Variants in NUP93 observed in about 807,000 individuals in gnomAD.
NUP93 encodes the protein nucleoporin 93.
A neutral mutation model predicts 107.8 loss-of-function variants in NUP93; 55 were observed. That is an observed-to-expected ratio of 0.51 (90% CI 0.41 to 0.64). The LOEUF (loss-of-function observed/expected upper bound fraction) is 0.64. Among genes scored for constraint, NUP93 ranks in the 30% least tolerant of loss-of-function variants. The probability of loss-of-function intolerance (pLI) is 0.00; values close to 1 mark genes in which losing one functional copy is unlikely to be tolerated. For missense variants in NUP93, 937 were observed against 1,044.7 expected (o/e 0.90, Z 1.42); for synonymous variants, 390 against 397.5 (o/e 0.98, Z 0.22).
chr16:56,802,325 G>A (rs1317061270), intron 4 of NUP93, among the ~76,000 whole-genome samples: 1 of 118,428 alleles, frequency 8.4e-6, no homozygotes, highest in Non-Finnish European at 1.6e-5. Context: ...CCACCTTTGT[G>A]TTCCATCATA....
At chr16:56,815,899 G>GGTGCTGCTGC (rs1555495759) in intron 5 of NUP93, among the ~76,000 whole-genome samples, 1,319 of 95,994 alleles carry the variant, frequency 0.014, 8 homozygotes, top group Middle Eastern at 0.04. Flanking sequence ...GCTGCTGCTG[G>GGTGCTGCTGC]TGCTGCTGCT....
intron 3 of NUP93, among the ~76,000 whole-genome samples, chr16:56,780,876 G>A (rs1290899342): frequency 1.3e-5 from 2 of 152,216 alleles, no homozygotes; most frequent in East Asian, 3.9e-4. Context: ...CATGATGATG[G>A]CCCATCACCT....
chr16:56,752,496 C>CT (rs1299146651), intron 2 of NUP93, among the ~76,000 whole-genome samples: 1 of 152,040 alleles, frequency 6.6e-6, no homozygotes, highest in African/African-American at 2.4e-5. Flanking sequence ...ATTTAGTACT[C>CT]TATCATTTGT....
chr16:56,768,600 G>C (rs1962258384), intron 3 of NUP93, among the ~76,000 whole-genome samples: 1 of 151,644 alleles, frequency 6.6e-6, no homozygotes, highest in Admixed American at 6.6e-5. Flanking sequence ...AGGTGTGGTG[G>C]CTCACGCCTG....
At chr16:56,787,232 CA>C (rs1222842009) in intron 3 of NUP93, among the ~76,000 whole-genome samples, 1 of 152,228 alleles carries the variant, frequency 6.6e-6, no homozygotes, top group African/African-American at 2.4e-5. Flanking sequence ...GAAGAAACTG[CA>C]GCAAAACCAG....
chr16:56,795,928 T>A (rs1489407470), intron 3 of NUP93, among the ~76,000 whole-genome samples: 1 of 152,172 alleles, frequency 6.6e-6, no homozygotes, highest in Non-Finnish European at 1.5e-5. Context: ...ATTACAGACG[T>A]GAGCCACCGC....
intron 7 of NUP93, 92 bp from the exon 8 acceptor site, chr16:56,823,615 T>C: frequency 6.9e-7 from 1 of 1,440,174 alleles, no homozygotes; most frequent in Non-Finnish European, 9.6e-7. Context: ...CCCCACCACA[T>C]TCTGCCCCCT....
intron 3 of NUP93, among the ~76,000 whole-genome samples, chr16:56,776,977 T>A (rs1269026171): frequency 6.6e-6 from 1 of 152,242 alleles, no homozygotes. Flanking sequence ...TTGTTCCCTC[T>A]GTCTAAATAC....
intron 8 of NUP93, among the ~76,000 whole-genome samples, chr16:56,827,069 A>AAAAAAAAAT (rs1430722800): frequency 2.2e-4 from 28 of 125,602 alleles, no homozygotes; most frequent in South Asian, 2.2e-3. Flanking sequence ...AAAAAAAAAA[A>AAAAAAAAAT]TTTTGTTGAG....
intron 17 of NUP93, among the ~76,000 whole-genome samples, chr16:56,836,943 C>T (rs1567412845): frequency 6.6e-6 from 1 of 152,214 alleles, no homozygotes; most frequent in Non-Finnish European, 1.5e-5. Flanking sequence ...AAAGGATGTC[C>T]TGCAGGCATT....
At chr16:56,839,445 G>C (rs141947266) in intron 19 of NUP93, 76 bp from the exon 20 acceptor site, 5 of 1,182,824 alleles carry the variant, frequency 4.2e-6, no homozygotes, top group Admixed American at 2.3e-5. Context: ...AGTATGTGAG[G>C]TGCTGACTTT....
intron 1 of NUP93, among the ~76,000 whole-genome samples, chr16:56,743,005 A>G (rs941334679): frequency 2.0e-5 from 3 of 152,266 alleles, no homozygotes. Flanking sequence ...ATTAAGATTC[A>G]GACCATCTAC....
At chr16:56,812,694 T>C (rs1437595170) in intron 5 of NUP93, among the ~76,000 whole-genome samples, 1 of 152,162 alleles carries the variant, frequency 6.6e-6, no homozygotes, top group Non-Finnish European at 1.5e-5. Flanking sequence ...TAGAGTCAAT[T>C]TGGGAAATTA....
chr16:56,759,252 G>T (rs1213102200), intron 3 of NUP93, among the ~76,000 whole-genome samples: 9 of 152,164 alleles, frequency 5.9e-5, no homozygotes, highest in African/African-American at 2.2e-4. Context: ...AAAAACTCAC[G>T]GTCTGTTTAG....
chr16:56,771,213 A>AT (rs1349231650), intron 3 of NUP93, among the ~76,000 whole-genome samples: 5 of 152,240 alleles, frequency 3.3e-5, no homozygotes, highest in Non-Finnish European at 7.3e-5. Context: ...TTTCATTTGT[A>AT]TAATACTTTA....
intron 3 of NUP93, among the ~76,000 whole-genome samples, chr16:56,788,497 C>A (rs537438494): frequency 4.2e-4 from 64 of 152,316 alleles, no homozygotes; most frequent in Admixed American, 1.7e-3. Context: ...GGGTGGCCAT[C>A]ATTTATCATT....
chr16:56,830,268 G>A (rs1172655029), intron 9 of NUP93, among the ~76,000 whole-genome samples: 4 of 152,140 alleles, frequency 2.6e-5, no homozygotes, highest in Admixed American at 2.6e-4. Context: ...ATCAAGTTGG[G>A]TACAAAGCAC....
chr16:56,792,699 G>GTTA (rs1443772067), intron 3 of NUP93, among the ~76,000 whole-genome samples: 1 of 152,204 alleles, frequency 6.6e-6, no homozygotes, highest in Non-Finnish European at 1.5e-5. Flanking sequence ...CCATTTAAGT[G>GTTA]TTAGCTATTA....
At chr16:56,819,358 C>G (rs535342671) in intron 6 of NUP93, among the ~76,000 whole-genome samples, 45 of 152,292 alleles carry the variant, frequency 3.0e-4, no homozygotes, top group African/African-American at 1.0e-3. Flanking sequence ...GCAGTGCCAG[C>G]CAACTTTGTG....
Sources: allele counts gnomAD v4.1 joint callset (sites outside exome capture counted in the v4.1 genomes callset), GRCh38; gene constraint gnomAD v4.1.1; transcripts MANE v1.5; gene names NCBI Gene and HGNC (gene_info 2026-07-23, HGNC 2026-07-21).